Variants in PTPA observed in about 807,000 individuals in gnomAD.
PTPA encodes the protein protein phosphatase 2 phosphatase activator.
In PTPA, 13 loss-of-function variants were observed where a neutral mutation model predicts 43.6. The observed-to-expected ratio is 0.30, with a 90% CI of 0.19 to 0.47. The LOEUF (loss-of-function observed/expected upper bound fraction) is 0.47. PTPA is among the 20% of genes least tolerant of loss of function. PTPA has a pLI of 0.99. For missense variants in PTPA, 329 were observed against 411.9 expected, an observed-to-expected ratio of 0.80 and a Z score of 1.74; for synonymous variants, 172 against 158.2, an observed-to-expected ratio of 1.09 and a Z score of -0.66.
chr9:129,142,338 T>TGCGTTTG, intron 8 of PTPA, 107 bp from the exon 9 acceptor site: 3 of 794,544 alleles, frequency 3.8e-6, no homozygotes, highest in Non-Finnish European at 3.9e-6. Context: ...GCGTGTGCGT[T>TGCGTTTG]TGTGTGTGTG....
rs893626115 is a variant in PTPA at position 129,111,836 on chromosome 9, G to A, written c.31+205G>A. On this transcript the variant is annotated intron_variant, in intron 1 of 9. Transcript: ENST00000393370. ...TGGGGAGGGAACCAGGGGCTGCAAA[G>A]GGGTGGTGATTGGGGCGCAACTCTG... 7 of 1,212,458 alleles carry A rather than the reference G, an allele frequency of 5.8e-6. No individual in the cohort carries two copies. In the African/African-American group the frequency reaches 9.4e-5, roughly 16 times the overall value. 75.1% of individuals were successfully genotyped at this position (1,212,458 alleles called of 1,614,324 possible). A position where few individuals can be genotyped will look rare whatever the true frequency, so the allele number is the denominator to read the frequency against.
At chr9:129,136,645 TC>T in intron 7 of PTPA, 50 bp downstream of exon 7, 1 of 1,548,410 alleles carries the variant, frequency 6.5e-7, no homozygotes, top group Non-Finnish European at 8.7e-7. Flanking sequence ...AAGGCTGCGT[TC>T]TGTGGCCCTC....
At chr9:129,140,540 C>T (rs1850715472) in intron 8 of PTPA, among the ~76,000 whole-genome samples, 1 of 152,196 alleles carries the variant, frequency 6.6e-6, no homozygotes, top group African/African-American at 2.4e-5. Context: ...GTTCTTTGGC[C>T]CTGGTAGGCG....
chr9:129,111,707 G>T, intron 1 of PTPA, 76 bp downstream of exon 1: 2 of 1,246,916 alleles, frequency 1.6e-6, no homozygotes, highest in Non-Finnish European at 2.0e-6. Context: ...GCTCAGGAGG[G>T]CGAGAGTCAT....
Position 129,128,992 on chromosome 9 carries a change from A to G in PTPA, c.224A>G (p.Glu75Gly), listed in dbSNP as rs1304742976. The G allele has an allele frequency of 6.2e-7, 1 of 1,613,252 alleles. No individual in the cohort carries two copies. Residue 75 changes from glutamate to glycine, a missense_variant, in exon 4 of 10, where the codon GAG (glutamate) becomes GGG (glycine). By Grantham distance (98) the Glu-to-Gly change is moderately conservative (BLOSUM62 -2). Coordinates refer to ENST00000393370, the MANE Select transcript of PTPA (RefSeq NM_178000.3). ...TFEYRVSEAI[E>G]KLVALLNTLD... is the part of the protein sequence containing the mutation. ...TCTATTTTGCCTCCACAGGCCATTG[A>G]GAAACTAGTCGCTCTTCTCAACACG...
chr9:129,111,150 C>A, upstream of PTPA: 1 of 1,233,910 alleles, frequency 8.1e-7, no homozygotes. Flanking sequence ...GGGTTAGGGT[C>A]AGTACCACCC....
At chr9:129,125,978 C>T (rs772613923) in intron 3 of PTPA, among the ~76,000 whole-genome samples, 3 of 151,892 alleles carry the variant, frequency 2.0e-5, no homozygotes, top group Non-Finnish European at 4.4e-5. Flanking sequence ...GGAACCCCGT[C>T]TCTACTAAAG....
At chr9:129,138,457 G>A (rs1176682846) in intron 8 of PTPA, among the ~76,000 whole-genome samples, 2 of 152,146 alleles carry the variant, frequency 1.3e-5, no homozygotes, top group African/African-American at 2.4e-5. Context: ...AGGAAAGCTG[G>A]GGACCCTCTG....
intron 9 of PTPA, 71 bp downstream of exon 9, chr9:129,142,623 G>C: frequency 6.3e-7 from 1 of 1,593,436 alleles, no homozygotes; most frequent in Non-Finnish European, 8.5e-7. Context: ...CAAAGCAAAA[G>C]ATGTGGAACC....
intron 1 of PTPA, among the ~76,000 whole-genome samples, chr9:129,119,292 T>C (rs1849095310): frequency 6.6e-6 from 1 of 151,206 alleles, no homozygotes; most frequent in Non-Finnish European, 1.5e-5. Context: ...CCACCACACC[T>C]AGCCAGATGT....
chr9:129,113,153 G>T (rs1848654965), intron 1 of PTPA, among the ~76,000 whole-genome samples: 1 of 151,782 alleles, frequency 6.6e-6, no homozygotes, highest in Non-Finnish European at 1.5e-5. Context: ...AAGTGCAGTG[G>T]CATGGTCTCG....
rs959936185 is a variant in PTPA at position 129,120,679 on chromosome 9, G to A, written c.129+69G>A. ...CAGTGGTTTTCCTAGCATGACGGGC[G>A]GTGAGTTCCTGGCCCTTCTTGCTCT... On this transcript the variant is annotated intron_variant, in intron 2 of 9. Coordinates refer to ENST00000393370, the MANE Select transcript of PTPA (RefSeq NM_178000.3). 2.9e-5 allele frequency: 40 copies of A among 1,400,356 alleles called. No individual in the cohort carries two copies. In the South Asian group the frequency reaches 3.3e-4, roughly 12 times the overall value. The allele number at this position is 1,400,356 out of a possible 1,614,324, so 86.7% of individuals were successfully genotyped here. A position where few individuals can be genotyped will look rare whatever the true frequency, so the allele number is the denominator to read the frequency against.
intron 3 of PTPA, among the ~76,000 whole-genome samples, chr9:129,128,263 C>T (rs949233578): frequency 8.5e-5 from 13 of 152,064 alleles, no homozygotes; most frequent in African/African-American, 2.7e-4. Flanking sequence ...AGGCCAGGCA[C>T]GGTGGCTCAC....
At position 129,147,798 on chromosome 9, in the gene PTPA, GC is replaced by G. The variant is rs1236111743; in HGVS notation, c.*335del. On this transcript the variant is annotated 3_prime_UTR_variant, in exon 10 of 10. Coordinates refer to ENST00000393370, the MANE Select transcript of PTPA (RefSeq NM_178000.3). ...GTCCAGTCTGGTTTTGAGAGCAGGG[GC>G]TGTTCTGCAGCACCGCAGGGAAGGG... 2 of 325,218 alleles carry G rather than the reference GC, an allele frequency of 6.1e-6. No homozygotes were observed. The highest frequency in any genetic ancestry group is 1.2e-5 in the Non-Finnish European group (2 of 169,820). The allele number at this position is 325,218 out of a possible 1,614,324, so 20.1% of individuals were successfully genotyped here.
rs1215831689 is a variant in PTPA at position 129,147,646 on chromosome 9, G to C, written c.*182G>C. The C allele has an allele frequency of 3.1e-6, 2 of 648,646 alleles. No individual in the cohort carries two copies. The highest frequency in any genetic ancestry group is 5.2e-6 in the Non-Finnish European group (2 of 384,130). 40.2% of individuals were successfully genotyped at this position (648,646 alleles called of 1,614,324 possible). On this transcript the variant is annotated 3_prime_UTR_variant, in exon 10 of 10. Coordinates refer to ENST00000393370, the MANE Select transcript of PTPA (RefSeq NM_178000.3). ...AGCATAAGGCTTCAGGGCCCAAGTT[G>C]GGAGAAGTGACCAAAGTGTAGCCAG...
intron 9 of PTPA, among the ~76,000 whole-genome samples, chr9:129,145,516 C>T (rs1851238422): frequency 6.6e-6 from 1 of 152,164 alleles, no homozygotes; most frequent in African/African-American, 2.4e-5. Flanking sequence ...CCCTCCAAGG[C>T]CTGCCAGTCT....
chr9:129,132,194 GT>G lies in PTPA; in HGVS notation c.460+556del, dbSNP rs1588511920. Among the ~76,000 whole-genome samples, 6 of 152,294 alleles carry G rather than the reference GT, an allele frequency of 3.9e-5. 1 individual carries two copies. In the East Asian group the frequency reaches 1.2e-3, roughly 29 times the overall value. On this transcript the variant is annotated intron_variant, in intron 5 of 9. Coordinates refer to ENST00000393370, the MANE Select transcript of PTPA (RefSeq NM_178000.3). ...TAAAAGGGAAGTGTAGACAGGTGCA[GT>G]GGTGCGTGCCTGTAATCCTAGCACT...
chr9:129,129,842 C>A (rs913737942), intron 4 of PTPA, among the ~76,000 whole-genome samples: 2 of 152,026 alleles, frequency 1.3e-5, no homozygotes, highest in Non-Finnish European at 2.9e-5. Context: ...GAGGTTAAGG[C>A]GGGAGGATCA....
Position 129,142,445 on chromosome 9 carries a change from A to T in PTPA, c.787A>T (p.Met263Leu). Residue 263 changes from methionine (M) to leucine (L), a missense_variant and splice_region_variant, in exon 9 of 10, where the codon ATG becomes TTG. Transcript: ENST00000393370. ...TCAGCTTGTGGCTTCTCTTTTTCAG[A>T]TGAAGACTGGCCCATTTGCAGAGCA... ...FLECILFITE[M>L]KTGPFAEHSN... 1 of 1,570,680 alleles carries T rather than the reference A, an allele frequency of 6.4e-7. No homozygotes were observed. The highest frequency in any genetic ancestry group is 8.7e-7 in the Non-Finnish European group (1 of 1,154,284).
Sources: gnomAD v4.1 joint callset for allele counts (sites outside exome capture counted in the v4.1 genomes callset) on GRCh38, gnomAD v4.1.1 for gene constraint, MANE v1.5 for transcripts, NCBI Gene and HGNC (gene_info 2026-07-23, HGNC 2026-07-21) for gene names.